The following HSD17B14 variants were observed in gnomAD, a reference collection of about 807,000 sequenced individuals.
HSD17B14 encodes the protein L-fucose dehydrogenase.
In HSD17B14, 32 loss-of-function variants were observed where a neutral mutation model predicts 32.2. The ratio of observed to expected loss-of-function variants is 0.99; its 90% CI spans 0.75 to 1.33. HSD17B14 has a LOEUF of 1.33. Among genes scored for constraint, HSD17B14 ranks in the 40% most tolerant of loss-of-function variants. HSD17B14 has a pLI of 0.00. For synonymous variants in HSD17B14, 140 were observed against 155.4 expected (o/e 0.90, Z 0.74); for missense variants, 370 against 366.5 (o/e 1.01, Z -0.08).
At chr19:48,831,461 G>A (rs771909453) in intron 5 of HSD17B14, among the ~76,000 whole-genome samples, 1 of 152,102 alleles carries the variant, frequency 6.6e-6, no homozygotes, top group African/African-American at 2.4e-5. Context: ...GCTGAGGCAC[G>A]AGAATCGCTT....
At chr19:48,814,259 C>T (rs111558953) in intron 6 of HSD17B14, among the ~76,000 whole-genome samples, 2,738 of 151,730 alleles carry the variant, frequency 0.018, 85 homozygotes, top group African/African-American at 0.063. Context: ...GTGGCTCATG[C>T]CTGTAATCCC....
chr19:48,819,868 C>T (rs2035116681), intron 5 of HSD17B14, among the ~76,000 whole-genome samples: 1 of 152,202 alleles, frequency 6.6e-6, no homozygotes, highest in Non-Finnish European at 1.5e-5. Flanking sequence ...ACTGCCAGGG[C>T]CAGGTGTGGT....
At chr19:48,822,749 T>G (rs1014975293) in intron 5 of HSD17B14, among the ~76,000 whole-genome samples, 23 of 149,054 alleles carry the variant, frequency 1.5e-4, no homozygotes, top group African/African-American at 5.7e-4. Flanking sequence ...TGGTGATGAT[T>G]GTGGTAATGA....
At chr19:48,826,728 T>G (rs1277806616) in intron 5 of HSD17B14, among the ~76,000 whole-genome samples, 1 of 151,436 alleles carries the variant, frequency 6.6e-6, no homozygotes, top group East Asian at 1.9e-4. Flanking sequence ...CGGGAACATT[T>G]CACCTGGATC....
intron 5 of HSD17B14, among the ~76,000 whole-genome samples, chr19:48,822,889 T>C (rs778617945): frequency 3.3e-5 from 5 of 152,146 alleles, no homozygotes; most frequent in Middle Eastern, 3.4e-3. Context: ...ATGGTGAGGA[T>C]GACGGTGAGA....
intron 5 of HSD17B14, among the ~76,000 whole-genome samples, chr19:48,826,261 G>A (rs2035243861): frequency 6.6e-6 from 1 of 151,532 alleles, no homozygotes; most frequent in African/African-American, 2.4e-5. Context: ...GGGTGGCCGA[G>A]GCAGGCAGAC....
chr19:48,831,546 C>A, intron 5 of HSD17B14, 122 bp downstream of exon 5: 1 of 769,644 alleles, frequency 1.3e-6, no homozygotes, highest in Non-Finnish European at 2.3e-6. Context: ...GAGAGAGACC[C>A]TGTCTCCAAC....
intron 6 of HSD17B14, among the ~76,000 whole-genome samples, chr19:48,814,055 C>T (rs978684445): frequency 1.3e-5 from 2 of 151,506 alleles, no homozygotes; most frequent in Admixed American, 6.6e-5. Flanking sequence ...ATTAACCGGA[C>T]ATGGTGGTGC....
rs1393856986 is a variant in HSD17B14 at position 48,817,162 on chromosome 19, T to C, written c.370-2021A>G. Among the ~76,000 whole-genome samples the C allele has an allele frequency of 7.1e-5, 9 of 127,234 alleles. No individual in the cohort carries two copies. In the Admixed American group the frequency reaches 7.6e-4, roughly 11 times the overall value. The allele number at this position is 127,234 out of a possible 152,430, so 83.5% of individuals were successfully genotyped here. ...GTGCCTGGCCTGTCTTTATTTTTTT[T>C]AACAACAAAAAAATATTTTTTGTTT... is the stretch of plus-strand genomic sequence containing the variant. On this transcript the variant is annotated intron_variant, in intron 5 of 8. Coordinates refer to ENST00000263278, the MANE Select transcript of HSD17B14 (RefSeq NM_016246.3).
At chr19:48,813,434 T>C (rs1050752353) in intron 8 of HSD17B14, 22 bp downstream of exon 8, 1 of 1,588,212 alleles carries the variant, frequency 6.3e-7, no homozygotes. Context: ...TTCTACCACC[T>C]GGATCTGAAC....
Position 48,813,555 on chromosome 19 carries a change from A to G in HSD17B14, c.543-3T>C, listed in dbSNP as rs2034999266. The G allele has an allele frequency of 6.2e-7, 1 of 1,613,584 alleles. No homozygotes were observed. Among genetic ancestry groups the G allele is most frequent in the African/African-American group, 1.3e-5 (1 of 74,866 alleles). On this transcript the variant is annotated splice_region_variant and splice_polypyrimidine_tract_variant and intron_variant, in intron 7 of 8. Transcript: ENST00000263278. ...TCCAGATGTTTCCTGGGGAGATACT[A>G]GAGGAAGGGAGAGGGGGGATCAAAG...
chr19:48,834,204 T>C (rs551764795), intron 3 of HSD17B14, 72 bp downstream of exon 3: 14 of 1,261,222 alleles, frequency 1.1e-5, no homozygotes, highest in African/African-American at 1.5e-5. Flanking sequence ...GAAAGGCATA[T>C]GCAAATGGCT....
At chr19:48,813,826 G>A (rs1468061437) in intron 6 of HSD17B14, 96 bp from the exon 7 acceptor site, 13 of 1,362,152 alleles carry the variant, frequency 9.5e-6, no homozygotes, top group African/African-American at 1.4e-5. Flanking sequence ...ATCAGAATGG[G>A]GAAGTCATGC....
intron 5 of HSD17B14, among the ~76,000 whole-genome samples, chr19:48,820,004 A>G (rs2035119164): frequency 6.6e-6 from 1 of 152,006 alleles, no homozygotes; most frequent in Non-Finnish European, 1.5e-5. Flanking sequence ...CAAAAATACA[A>G]AAATTAGCCA....
chr19:48,814,728 C>T (rs2035021201), intron 6 of HSD17B14, among the ~76,000 whole-genome samples: 3 of 151,682 alleles, frequency 2.0e-5, no homozygotes, highest in East Asian at 3.9e-4. Flanking sequence ...CCTGTAGTCC[C>T]AGCTACTCGG....
rs2035002108 is a variant in HSD17B14, at chr19:48,813,683, T to C, written c.522A>G (p.Pro174=). The C allele has an allele frequency of 1.2e-6, 2 of 1,614,158 alleles. No homozygotes were observed. The change falls in exon 7 of 9, where the codon CCA becomes CCG. Residue 174 remains proline, a synonymous_variant. Coordinates refer to ENST00000263278, the MANE Select transcript of HSD17B14 (RefSeq NM_016246.3). ...MTKALALDES[P]YGVRVNCISP... is the part of the protein sequence containing the mutation. Reference sequence around the variant, plus strand: ...CTCACCAGTTGACTCGGACACCATATGGACTTTCATCCAGGGCCAAAGCTT... The same window carrying C: ...CTCACCAGTTGACTCGGACACCATACGGACTTTCATCCAGGGCCAAAGCTT...
intron 5 of HSD17B14, among the ~76,000 whole-genome samples, chr19:48,825,237 C>CAAAA (rs60266504): frequency 0.021 from 1,845 of 88,696 alleles, 30 homozygotes; most frequent in Non-Finnish European, 0.027. Flanking sequence ...GACTCCGTCG[C>CAAAA]AAAAAAAAAA....
rs754430711 is a variant in HSD17B14 at position 48,835,828 on chromosome 19, C to CT, written c.103_104insA (p.Arg35GlnfsTer9). On this transcript the variant is annotated frameshift_variant, in exon 2 of 9. Coordinates refer to ENST00000263278, the MANE Select transcript of HSD17B14 (RefSeq NM_016246.3). LOFTEE classifies it high-confidence loss of function. ...ACCATCCTTGTCGCAGATAACCACTCGGGCCCCGCTGTTCACTGAGAATAG... is the reference window on the plus strand; with the variant it reads ...ACCATCCTTGTCGCAGATAACCACTCTGGGCCCCGCTGTTCACTGAGAATAG... The CT allele has an allele frequency of 6.2e-7, 1 of 1,613,592 alleles. No individual in the cohort carries two copies. The highest frequency in any genetic ancestry group is 1.1e-5 in the South Asian group (1 of 91,074).
chr19:48,813,626 C>T, intron 7 of HSD17B14, 37 bp downstream of exon 7: 1 of 1,613,182 alleles, frequency 6.2e-7, no homozygotes, highest in Non-Finnish European at 8.5e-7. Context: ...CACCCCAGTC[C>T]CCCCAGGAGG....
Sources: allele counts gnomAD v4.1 joint callset (sites outside exome capture counted in the v4.1 genomes callset), GRCh38; gene constraint gnomAD v4.1.1; transcripts MANE v1.5; gene names NCBI Gene and HGNC (gene_info 2026-07-23, HGNC 2026-07-21).